UNC5C: variants seen among roughly 807,000 people sequenced by gnomAD.
UNC5C encodes the protein unc-5 netrin receptor C.
A neutral mutation model predicts 99.8 loss-of-function variants in UNC5C; 47 were observed. That is an observed-to-expected ratio of 0.47 (90% CI 0.37 to 0.60). UNC5C has a LOEUF of 0.60. Ranked by LOEUF, UNC5C falls within the 20% of genes least tolerant of loss-of-function variation. UNC5C has a pLI of 0.00. For missense variants in UNC5C, 1,062 were observed against 1,165.9 expected (o/e 0.91, Z 1.30); for synonymous variants, 487 against 452.2 (o/e 1.08, Z -0.98).
At chr4:95,211,815 A>G (rs2149364404) in intron 10 of UNC5C, among the ~76,000 whole-genome samples, 1 of 152,280 alleles carries the variant, frequency 6.6e-6, no homozygotes, top group South Asian at 2.1e-4. Context: ...GTGTTTTCGT[A>G]AACTATCTTG....
rs542318856 is a variant in UNC5C, at chr4:95,240,057, T to C, written c.1108+2372A>G. Among the ~76,000 whole-genome samples the C allele has an allele frequency of 9.2e-5, 14 of 152,320 alleles. No homozygotes were observed. In the East Asian group the frequency reaches 2.5e-3, roughly 27 times the overall value. On this transcript the variant is annotated intron_variant, in intron 7 of 15. Transcript: ENST00000453304. The stretch of plus-strand genomic sequence containing the variant: ...TGGTTCACTGAAAGTAGACTAGCTT[T>C]ATTTTGAGATAAATTGTGATATCAT...
Position 95,548,729 on chromosome 4 carries a change from C to T in UNC5C, c.124+5G>A, listed in dbSNP as rs1449891837. Reference sequence around the variant, plus strand: ...GTGGCCGCGGAGCTTGGCGGACCCCCTTACCTTGGGCGGCGGAGCCAGTGC... The same window carrying T: ...GTGGCCGCGGAGCTTGGCGGACCCCTTTACCTTGGGCGGCGGAGCCAGTGC... On this transcript the variant is annotated splice_donor_5th_base_variant and intron_variant, in intron 1 of 15. Coordinates refer to ENST00000453304, the MANE Select transcript of UNC5C (RefSeq NM_003728.4). 6 of 1,612,614 alleles carry T rather than the reference C, an allele frequency of 3.7e-6. No individual in the cohort carries two copies. The highest frequency in any genetic ancestry group is 4.2e-6 in the Non-Finnish European group (5 of 1,179,500).
rs116206092 is a variant in UNC5C at position 95,430,172 on chromosome 4, G to T, written c.125-94541C>A. ...TAAACTGTGGACTCTGGTCGATAAT[G>T]ATGTGTCAATGTAGGTTCATCAACT... On this transcript the variant is annotated intron_variant, in intron 1 of 15. Coordinates refer to ENST00000453304, the MANE Select transcript of UNC5C (RefSeq NM_003728.4). 8.9e-3 allele frequency among the ~76,000 whole-genome samples: 1,357 copies of T among 152,160 alleles called. 10 individuals are homozygous for T. Among genetic ancestry groups the T allele is most frequent in the Non-Finnish European group, 0.016 (1,064 of 67,964 alleles).
intron 1 of UNC5C, among the ~76,000 whole-genome samples, chr4:95,446,223 G>C (rs895286841): frequency 6.6e-6 from 1 of 151,846 alleles, no homozygotes; most frequent in African/African-American, 2.4e-5. Flanking sequence ...TGTAGCCAGA[G>C]AGCAAACTGA....
At chr4:95,334,136 A>G (rs548446857) in intron 2 of UNC5C, among the ~76,000 whole-genome samples, 7 of 152,154 alleles carry the variant, frequency 4.6e-5, no homozygotes, top group South Asian at 4.1e-4. Flanking sequence ...TATGTCCTAC[A>G]TGCTTTTTAA....
intron 1 of UNC5C, among the ~76,000 whole-genome samples, chr4:95,457,545 G>A (rs903065125): frequency 2.0e-5 from 3 of 151,828 alleles, no homozygotes; most frequent in South Asian, 2.1e-4. Flanking sequence ...ACGGCTGAAC[G>A]GCTTCTGGTC....
chr4:95,363,821 C>A (rs978233684), intron 1 of UNC5C, among the ~76,000 whole-genome samples: 1 of 152,126 alleles, frequency 6.6e-6, no homozygotes, highest in Non-Finnish European at 1.5e-5. Context: ...CAAATTTAGA[C>A]CTAATCACCT....
In UNC5C at chr4:95,167,140, G is replaced by T. The variant is rs1735888160; in HGVS notation, c.*2094C>A. ...CTACCAAAATAGGAGCGGAAACATG[G>T]AAAGATGGAAGCACATGTATAATTC... On this transcript the variant is annotated 3_prime_UTR_variant, in exon 16 of 16. Transcript: ENST00000453304. The T allele has an allele frequency of 6.6e-6, 1 of 152,192 alleles. No individual in the cohort carries two copies. The highest frequency in any genetic ancestry group is 2.4e-5 in the African/African-American group (1 of 41,450). 9.4% of individuals were successfully genotyped at this position (152,192 alleles called of 1,614,324 possible).
chr4:95,482,675 A>G (rs1165728465), intron 1 of UNC5C, among the ~76,000 whole-genome samples: 2 of 134,624 alleles, frequency 1.5e-5, no homozygotes, highest in Non-Finnish European at 3.2e-5. Context: ...AATACTATGC[A>G]GCCATAAAAA....
intron 1 of UNC5C, among the ~76,000 whole-genome samples, chr4:95,460,193 T>G: frequency 9.3e-6 from 1 of 107,676 alleles, no homozygotes; most frequent in African/African-American, 3.4e-5. Flanking sequence ...ACTGTCCATG[T>G]GGTGTTTTTT....
In UNC5C at chr4:95,166,181, C is replaced by G. The variant is rs1010252032; in HGVS notation, c.*3053G>C. The G allele has an allele frequency of 3.3e-5, 5 of 152,152 alleles. No individual in the cohort carries two copies. Among genetic ancestry groups the G allele is most frequent in the Admixed American group, 6.5e-5 (1 of 15,272 alleles). The allele number at this position is 152,152 out of a possible 1,614,324, so 9.4% of individuals were successfully genotyped here. The stretch of plus-strand genomic sequence containing the variant: ...AAATGAAACCAGCCAAACTGCCTCT[C>G]CAGCGGTGTAGAAAGAAGCAGGATG... On this transcript the variant is annotated 3_prime_UTR_variant, in exon 16 of 16. Coordinates refer to ENST00000453304, the MANE Select transcript of UNC5C (RefSeq NM_003728.4).
chr4:95,279,356 T>C (rs1306377185), intron 3 of UNC5C, among the ~76,000 whole-genome samples: 1 of 152,208 alleles, frequency 6.6e-6, no homozygotes, highest in Non-Finnish European at 1.5e-5. Context: ...TACAGGAGTA[T>C]GCAGCTGAGT....
intron 1 of UNC5C, among the ~76,000 whole-genome samples, chr4:95,372,418 T>G (rs1295634092): frequency 6.6e-6 from 1 of 152,222 alleles, no homozygotes; most frequent in Admixed American, 6.5e-5. Context: ...AATGCAGACA[T>G]AATGGTCTCC....
intron 1 of UNC5C, among the ~76,000 whole-genome samples, chr4:95,530,542 T>C (rs939505979): frequency 1.3e-5 from 2 of 152,230 alleles, no homozygotes; most frequent in East Asian, 1.9e-4. Context: ...CTATGCCTCA[T>C]ACAACAGAAT....
At chr4:95,442,456 C>T (rs1338299159) in intron 1 of UNC5C, among the ~76,000 whole-genome samples, 1 of 149,784 alleles carries the variant, frequency 6.7e-6, no homozygotes, top group African/African-American at 2.5e-5. Flanking sequence ...GATCTTCCCT[C>T]CTTGGCCTCC....
intron 2 of UNC5C, among the ~76,000 whole-genome samples, chr4:95,322,953 A>G (rs1742748194): frequency 6.7e-6 from 1 of 150,064 alleles, no homozygotes; most frequent in Non-Finnish European, 1.5e-5. Context: ...AAAAAAAAAA[A>G]GAAAAGAAAA....
chr4:95,321,665 G>A (rs1742696294), intron 2 of UNC5C, among the ~76,000 whole-genome samples: 1 of 152,148 alleles, frequency 6.6e-6, no homozygotes. Context: ...GATTTTTAAT[G>A]TTTGAATCTT....
chr4:95,466,113 CAAGT>C (rs1747768809), intron 1 of UNC5C, among the ~76,000 whole-genome samples: 1 of 152,086 alleles, frequency 6.6e-6, no homozygotes. Flanking sequence ...TGAAGATCTC[CAAGT>C]AAGTATGACA....
intron 1 of UNC5C, among the ~76,000 whole-genome samples, chr4:95,348,701 G>A (rs1743871236): frequency 6.6e-6 from 1 of 150,816 alleles, no homozygotes; most frequent in Non-Finnish European, 1.5e-5. Context: ...ATGAAAAGGT[G>A]CTCAACACCA....
Sources: gnomAD v4.1 joint callset for allele counts (sites outside exome capture counted in the v4.1 genomes callset) on GRCh38, gnomAD v4.1.1 for gene constraint, MANE v1.5 for transcripts, NCBI Gene and HGNC (gene_info 2026-07-23, HGNC 2026-07-21) for gene names.